Variants in PTPRJ observed in about 807,000 individuals in gnomAD.
PTPRJ encodes the protein receptor-type tyrosine-protein phosphatase eta.
Under a neutral mutation model 141.3 loss-of-function variants are expected in PTPRJ, and 129 were observed. The observed-to-expected ratio is 0.91, with a 90% CI of 0.79 to 1.06. The LOEUF is 1.06. Among genes scored for constraint, PTPRJ ranks in the 50% least tolerant of loss-of-function variants. The pLI, the probability that PTPRJ is intolerant of heterozygous loss-of-function variation, is 0.00. For synonymous variants in PTPRJ, 610 were observed against 640.5 expected (o/e 0.95, Z 0.72); for missense variants, 1,601 against 1,679.7 (o/e 0.95, Z 0.82).
At chr11:48,049,928 G>A (rs550014400) in intron 1 of PTPRJ, among the ~76,000 whole-genome samples, 3 of 152,142 alleles carry the variant, frequency 2.0e-5, no homozygotes, top group African/African-American at 7.2e-5. Context: ...TGGAAGCTTG[G>A]GGGAAAAATC....
chr11:48,166,909 A>G (rs1653458914), intron 24 of PTPRJ, among the ~76,000 whole-genome samples: 2 of 152,090 alleles, frequency 1.3e-5, no homozygotes, highest in South Asian at 4.2e-4. Context: ...TTTTTCCTCT[A>G]CATTTCCTCC....
At chr11:48,133,472 C>G (rs1200881729) in intron 8 of PTPRJ, among the ~76,000 whole-genome samples, 1 of 152,092 alleles carries the variant, frequency 6.6e-6, no homozygotes, top group African/African-American at 2.4e-5. Context: ...GCTATAAGAT[C>G]TAAACTCTTA....
chr11:47,991,205 C>T (rs1039261720), intron 1 of PTPRJ, among the ~76,000 whole-genome samples: 1 of 152,160 alleles, frequency 6.6e-6, no homozygotes, highest in Non-Finnish European at 1.5e-5. Flanking sequence ...TAAGTGACCA[C>T]CAGGTGTGAC....
At chr11:48,088,156 C>G (rs1855766155) in intron 1 of PTPRJ, among the ~76,000 whole-genome samples, 1 of 152,194 alleles carries the variant, frequency 6.6e-6, no homozygotes, top group Non-Finnish European at 1.5e-5. Context: ...TGTGTACACG[C>G]TTGGTCACTC....
At chr11:48,065,613 A>C (rs1855064475) in intron 1 of PTPRJ, among the ~76,000 whole-genome samples, 2 of 152,250 alleles carry the variant, frequency 1.3e-5, no homozygotes, top group Non-Finnish European at 2.9e-5. Flanking sequence ...ATAGGTTACA[A>C]AGCCCTTTTC....
intron 1 of PTPRJ, among the ~76,000 whole-genome samples, chr11:48,095,052 C>G (rs886695009): frequency 6.6e-6 from 1 of 152,044 alleles, no homozygotes; most frequent in Non-Finnish European, 1.5e-5. Context: ...AAAAAATTAC[C>G]CATTTTGGAC....
chr11:48,046,832 C>A (rs1232286331), intron 1 of PTPRJ, among the ~76,000 whole-genome samples: 1 of 149,160 alleles, frequency 6.7e-6, no homozygotes, highest in African/African-American at 2.5e-5. Flanking sequence ...TGAATTTGAG[C>A]AGACCGTAGG....
intron 1 of PTPRJ, among the ~76,000 whole-genome samples, chr11:48,001,845 C>T (rs892638847): frequency 1.1e-4 from 16 of 152,110 alleles, no homozygotes; most frequent in African/African-American, 3.4e-4. Context: ...CCACAGGCCC[C>T]GGAACAGGTA....
intron 4 of PTPRJ, 49 bp from the exon 5 acceptor site, chr11:48,123,564 T>C (rs754967237): frequency 1.3e-6 from 2 of 1,563,174 alleles, no homozygotes; most frequent in Non-Finnish European, 1.7e-6. Context: ...TTAATGAAGG[T>C]GACTGCATAT....
rs147692042 is a variant in PTPRJ at position 48,149,069 on chromosome 11, T to A, written c.3000-378T>A. Among the ~76,000 whole-genome samples, 4 of 152,314 alleles carry A rather than the reference T, an allele frequency of 2.6e-5. No individual in the cohort carries two copies. The East Asian group carries it at 7.7e-4, about 29-fold the overall frequency. ...ACTTGCCAGTTCCGGATCTGATATG[T>A]TTTTTGGTTTATTGCATTCATTTAT... On this transcript the variant is annotated intron_variant, in intron 15 of 24. Transcript: ENST00000418331.
intron 16 of PTPRJ, chr11:48,149,702 A>G: frequency 3.8e-6 from 2 of 532,620 alleles, no homozygotes. Context: ...CTACTCTTCT[A>G]CCAATAAATA....
intron 1 of PTPRJ, among the ~76,000 whole-genome samples, chr11:48,051,380 C>G (rs1201419818): frequency 6.6e-6 from 1 of 152,122 alleles, no homozygotes; most frequent in African/African-American, 2.4e-5. Context: ...CAGGCGTGAG[C>G]CATTGCACCT....
intron 1 of PTPRJ, among the ~76,000 whole-genome samples, chr11:48,022,948 T>C (rs73464806): frequency 0.064 from 9,716 of 151,976 alleles, 341 homozygotes; most frequent in African/African-American, 0.093. Flanking sequence ...GGAGAAGGAT[T>C]TGAAGGCTCA....
intron 1 of PTPRJ, among the ~76,000 whole-genome samples, chr11:48,063,004 TA>T (rs1015808682): frequency 1.3e-5 from 2 of 152,126 alleles, no homozygotes; most frequent in Non-Finnish European, 2.9e-5. Context: ...ATTTAGTTGT[TA>T]AAAAAGAGAA....
intron 21 of PTPRJ, 129 bp from the exon 22 acceptor site, chr11:48,159,801 C>G (rs1315958805): frequency 8.0e-7 from 1 of 1,245,444 alleles, no homozygotes; most frequent in Non-Finnish European, 1.1e-6. Flanking sequence ...AAGGGTCAAA[C>G]AAAACCCAAC....
intron 3 of PTPRJ, among the ~76,000 whole-genome samples, chr11:48,119,643 A>C (rs1856656815): frequency 6.6e-6 from 1 of 152,120 alleles, no homozygotes; most frequent in Non-Finnish European, 1.5e-5. Flanking sequence ...AAGTGATCTG[A>C]TCTGCCTGCC....
At chr11:48,024,499 T>C (rs1482313135) in intron 1 of PTPRJ, among the ~76,000 whole-genome samples, 2 of 152,062 alleles carry the variant, frequency 1.3e-5, no homozygotes, top group Non-Finnish European at 2.9e-5. Flanking sequence ...TGCCTGGTCT[T>C]ATATTTCTTT....
chr11:48,020,699 G>A lies in PTPRJ; in HGVS notation c.96+39691G>A, dbSNP rs1490216849. Among the ~76,000 whole-genome samples the A allele has an allele frequency of 2.0e-5, 3 of 152,332 alleles. No individual in the cohort carries two copies. In the East Asian group the frequency reaches 5.8e-4, roughly 29 times the overall value. On this transcript the variant is annotated intron_variant, in intron 1 of 24. Coordinates refer to ENST00000418331, the MANE Select transcript of PTPRJ (RefSeq NM_002843.4). The stretch of plus-strand genomic sequence containing the variant: ...CTGCCTGTCGATTCCACAGTTGCCA[G>A]CTTCCAGCATGGAGCTTCTGGAAGT...
chr11:48,100,891 A>G (rs1331296591), intron 1 of PTPRJ, among the ~76,000 whole-genome samples: 3 of 151,514 alleles, frequency 2.0e-5, no homozygotes, highest in Non-Finnish European at 4.4e-5. Flanking sequence ...TCAAAAAGAA[A>G]AAAAAAAAAA....
Sources: allele counts gnomAD v4.1 joint callset (sites outside exome capture counted in the v4.1 genomes callset), GRCh38; gene constraint gnomAD v4.1.1; transcripts MANE v1.5; gene names NCBI Gene and HGNC (gene_info 2026-07-23, HGNC 2026-07-21).